GTF2E2: variants seen among roughly 807,000 people sequenced by gnomAD.
GTF2E2 encodes general transcription factor IIE subunit 2, also known as transcription initiation factor IIE subunit beta.
In GTF2E2, 21 loss-of-function variants were observed where a neutral mutation model predicts 40.5. That is an observed-to-expected ratio of 0.52 (90% CI 0.37 to 0.75). GTF2E2 has a LOEUF of 0.75. Ranked by LOEUF, GTF2E2 falls within the 30% of genes least tolerant of loss-of-function variation. The pLI is 0.00. For missense variants in GTF2E2, 298 were observed against 338.4 expected, an observed-to-expected ratio of 0.88 and a Z score of 0.94; for synonymous variants, 117 against 121.6, an observed-to-expected ratio of 0.96 and a Z score of 0.25.
chr8:30,592,549 C>T (rs544510186), intron 6 of GTF2E2, among the ~76,000 whole-genome samples: 2 of 152,274 alleles, frequency 1.3e-5, no homozygotes, highest in South Asian at 2.1e-4. Context: ...CCAAAATCTA[C>T]AGATGCTCAA....
intron 6 of GTF2E2, among the ~76,000 whole-genome samples, chr8:30,583,774 G>A (rs1461056065): frequency 2.6e-5 from 4 of 151,746 alleles, no homozygotes; most frequent in African/African-American, 7.3e-5. Flanking sequence ...AATCCATGAC[G>A]ATCAGTATTT....
intron 3 of GTF2E2, among the ~76,000 whole-genome samples, chr8:30,628,698 G>A (rs1299106860): frequency 4.6e-5 from 7 of 152,182 alleles, no homozygotes; most frequent in African/African-American, 1.4e-4. Flanking sequence ...TTGAGAGGCC[G>A]AGGCAGGCAG....
At chr8:30,632,998 A>T (rs1445842909) in intron 3 of GTF2E2, among the ~76,000 whole-genome samples, 1 of 152,202 alleles carries the variant, frequency 6.6e-6, no homozygotes, top group Admixed American at 6.5e-5. Flanking sequence ...GGAAGAGAGG[A>T]GACAGCTGCA....
At chr8:30,636,478 TTTA>T (rs1801602258) in intron 2 of GTF2E2, among the ~76,000 whole-genome samples, 1 of 152,256 alleles carries the variant, frequency 6.6e-6, no homozygotes, top group Admixed American at 6.5e-5. Context: ...TAGTGAAGTC[TTTA>T]TTGAGTATCC....
intron 2 of GTF2E2, among the ~76,000 whole-genome samples, chr8:30,651,761 A>G (rs552023799): frequency 1.3e-5 from 2 of 152,184 alleles, no homozygotes; most frequent in Non-Finnish European, 2.9e-5. Flanking sequence ...AGAAAAACTA[A>G]AACAATTCTT....
At chr8:30,646,471 T>C (rs2128728646) in intron 2 of GTF2E2, among the ~76,000 whole-genome samples, 1 of 152,174 alleles carries the variant, frequency 6.6e-6, no homozygotes, top group South Asian at 2.1e-4. Context: ...TAACACTATT[T>C]TGCTATCACC....
intron 3 of GTF2E2, among the ~76,000 whole-genome samples, chr8:30,629,828 G>A (rs986821193): frequency 1.3e-5 from 2 of 151,986 alleles, no homozygotes; most frequent in East Asian, 1.9e-4. Flanking sequence ...GAATGACACT[G>A]GAGAAACACT....
chr8:30,632,141 C>G (rs1323518407), intron 3 of GTF2E2, among the ~76,000 whole-genome samples: 1 of 152,096 alleles, frequency 6.6e-6, no homozygotes, highest in African/African-American at 2.4e-5. Context: ...AGGAATAACA[C>G]AACTTTTATC....
At chr8:30,639,752 C>T (rs956195716) in intron 2 of GTF2E2, among the ~76,000 whole-genome samples, 8 of 151,822 alleles carry the variant, frequency 5.3e-5, no homozygotes, top group African/African-American at 1.9e-4. Context: ...TTTATTTAAT[C>T]TTTAAAGGGT....
chr8:30,580,532 G>T, intron 6 of GTF2E2, 136 bp from the exon 7 acceptor site: 1 of 627,184 alleles, frequency 1.6e-6, no homozygotes, highest in Non-Finnish European at 2.9e-6. Context: ...AACAAGTCAG[G>T]GCAGAACATC....
intron 2 of GTF2E2, chr8:30,645,595 T>C: frequency 6.5e-7 from 1 of 1,535,004 alleles, no homozygotes; most frequent in Non-Finnish European, 8.7e-7. Context: ...TGAAGTGGTC[T>C]AACACTCTAT....
intron 3 of GTF2E2, among the ~76,000 whole-genome samples, chr8:30,617,287 A>G (rs1218623658): frequency 1.3e-5 from 2 of 152,218 alleles, no homozygotes; most frequent in Non-Finnish European, 2.9e-5. Flanking sequence ...CCATTCATTG[A>G]GCGTTTGCTG....
chr8:30,623,078 T>C (rs546993718), intron 3 of GTF2E2, among the ~76,000 whole-genome samples: 33 of 152,224 alleles, frequency 2.2e-4, no homozygotes, highest in Middle Eastern at 3.4e-3. Context: ...TAAGTGCCCA[T>C]GAAATCTTCA....
chr8:30,594,925 G>C (rs1828957532), intron 6 of GTF2E2, among the ~76,000 whole-genome samples: 1 of 151,424 alleles, frequency 6.6e-6, no homozygotes. Flanking sequence ...AGTGTGTTTA[G>C]ACCATTTACA....
At chr8:30,579,852 G>C (rs1194934301) in intron 7 of GTF2E2, among the ~76,000 whole-genome samples, 1 of 152,210 alleles carries the variant, frequency 6.6e-6, no homozygotes, top group Non-Finnish European at 1.5e-5. Context: ...CTGGTTCCTA[G>C]AGGACCTGAA....
intron 6 of GTF2E2, among the ~76,000 whole-genome samples, chr8:30,595,996 G>A (rs190565583): frequency 2.0e-4 from 31 of 152,186 alleles, no homozygotes; most frequent in African/African-American, 6.7e-4. Flanking sequence ...GGTCTGCATG[G>A]GTTCTAATAA....
intron 3 of GTF2E2, among the ~76,000 whole-genome samples, chr8:30,621,341 C>T (rs1269424637): frequency 6.6e-6 from 1 of 152,064 alleles, no homozygotes; most frequent in African/African-American, 2.4e-5. Context: ...GAAAGCCTAA[C>T]CATTTTCACT....
intron 2 of GTF2E2, chr8:30,637,129 T>C (rs1000315878): frequency 2.3e-6 from 1 of 432,580 alleles, no homozygotes; most frequent in Non-Finnish European, 4.6e-6. Flanking sequence ...GTGTAAACCC[T>C]GTAATAAACA....
chr8:30,634,778 A>G (rs2128723661), intron 3 of GTF2E2, among the ~76,000 whole-genome samples: 2 of 152,326 alleles, frequency 1.3e-5, no homozygotes, highest in Non-Finnish European at 2.9e-5. Flanking sequence ...CACTCTTATT[A>G]AGTGAAATGG....
Sources: allele counts gnomAD v4.1 joint callset (sites outside exome capture counted in the v4.1 genomes callset), GRCh38; gene constraint gnomAD v4.1.1; transcripts MANE v1.5; gene names NCBI Gene and HGNC (gene_info 2026-07-23, HGNC 2026-07-21).